Variants in AKAP13 observed in about 807,000 individuals in gnomAD.
AKAP13 encodes A-kinase anchoring protein 13, also known as A-kinase anchor protein 13.
AKAP13 carries 80 observed loss-of-function variants against 264.5 expected under a neutral mutation model. The ratio of observed to expected loss-of-function variants is 0.30; its 90% confidence interval spans 0.25 to 0.36. The LOEUF (loss-of-function observed/expected upper bound fraction) is 0.36. Among genes scored for constraint, AKAP13 ranks in the 10% least tolerant of loss-of-function variants. AKAP13 has a pLI of 1.00. For synonymous variants in AKAP13, 1,380 were observed against 1,250.2 expected (o/e 1.10, Z -2.19); for missense variants, 3,712 against 3,435.2 (o/e 1.08, Z -2.01).
chr15:85,441,684 T>C (rs2150956230), intron 1 of AKAP13, among the ~76,000 whole-genome samples: 1 of 152,334 alleles, frequency 6.6e-6, no homozygotes, highest in Non-Finnish European at 1.5e-5. Context: ...TTTTTGTGTA[T>C]GGTGTAAGCT....
intron 1 of AKAP13, among the ~76,000 whole-genome samples, chr15:85,393,811 C>T (rs2070983077): frequency 6.6e-6 from 1 of 152,122 alleles, no homozygotes; most frequent in Non-Finnish European, 1.5e-5. Flanking sequence ...CCATAAGTCA[C>T]ATTTTTTTCA....
chr15:85,460,256 G>T (rs1385393576), intron 1 of AKAP13, among the ~76,000 whole-genome samples: 1 of 152,046 alleles, frequency 6.6e-6, no homozygotes, highest in Non-Finnish European at 1.5e-5. Flanking sequence ...CAAACTTCTA[G>T]CAGTTTTCTG....
Position 85,724,880 on chromosome 15 carries a change from C to T in AKAP13, c.6746-1530C>T, listed in dbSNP as rs1255374964. On this transcript the variant is annotated intron_variant, in intron 26 of 36. Coordinates refer to ENST00000394518, the MANE Select transcript of AKAP13 (RefSeq NM_007200.5). This position sits in a 1 kb window ranked among gnomAD's most constrained non-coding sequence, Gnocchi z 4.2. The stretch of plus-strand genomic sequence containing the variant: ...CAGAGAAAGAAATCTCCTTTCCCAC[C>T]ACCAGCTGGCTGTGTATTTCATGGT... Among the ~76,000 whole-genome samples, 1 of 152,046 alleles carries T rather than the reference C, an allele frequency of 6.6e-6. No individual in the cohort carries two copies. The highest frequency in any genetic ancestry group is 1.5e-5 in the Non-Finnish European group (1 of 68,014).
chr15:85,743,702 C>T lies in AKAP13; in HGVS notation c.8269C>T (p.Pro2757Ser), dbSNP rs151131218. The part of the protein sequence containing the change: ...LSSTSQTNKG[P>S]EGQSQAPAST... ...TTCAACCAGCCAGACAAACAAAGGA[C>T]CAGAAGGGCAGAGCCAGGCCCCTGC... The change falls in exon 36 of 37, where the codon CCA becomes TCA. Residue 2757 changes from proline to serine, a missense_variant. Pro to Ser is a moderately conservative substitution (Grantham distance 74, BLOSUM62 -1). Around this residue, in one of 3 missense-constraint regions of AKAP13, gnomAD observed 611 missense variants for 539.3 expected, o/e 1.13. Transcript: ENST00000394518. 1 of 1,614,138 alleles carries T rather than the reference C, an allele frequency of 6.2e-7. No individual in the cohort carries two copies. Among genetic ancestry groups the T allele is most frequent in the Non-Finnish European group, 8.5e-7 (1 of 1,180,036 alleles).
intron 1 of AKAP13, among the ~76,000 whole-genome samples, chr15:85,445,633 TTATAG>T (rs555672741): frequency 2.5e-4 from 38 of 152,290 alleles, no homozygotes; most frequent in Admixed American, 5.2e-4. Flanking sequence ...CTTACCTTTA[TTATAG>T]TACTTACTTA....
intron 8 of AKAP13, among the ~76,000 whole-genome samples, chr15:85,589,095 G>A (rs1567142873): frequency 6.6e-6 from 1 of 152,104 alleles, no homozygotes; most frequent in South Asian, 2.1e-4. Flanking sequence ...CTTCTCCGTG[G>A]TGCTCTGACA....
chr15:85,571,488 C>T (rs2078817840), intron 5 of AKAP13, among the ~76,000 whole-genome samples: 3 of 152,016 alleles, frequency 2.0e-5, no homozygotes, highest in African/African-American at 2.4e-5. Context: ...TAGAGTTTTG[C>T]GAGATTTTAC....
intron 12 of AKAP13, among the ~76,000 whole-genome samples, chr15:85,663,478 AAAAT>A (rs927600547): frequency 9.2e-5 from 14 of 152,312 alleles, no homozygotes; most frequent in African/African-American, 3.1e-4. Context: ...TTACAAAACC[AAAAT>A]AAATAAATAA....
At chr15:85,477,225 A>T (rs193120854) in intron 1 of AKAP13, among the ~76,000 whole-genome samples, 1 of 151,870 alleles carries the variant, frequency 6.6e-6, no homozygotes, top group African/African-American at 2.4e-5. Flanking sequence ...AGGTTGAGTC[A>T]GAGGTGCGAG....
chr15:85,632,650 G>A (rs982620130), intron 8 of AKAP13, among the ~76,000 whole-genome samples: 5 of 152,102 alleles, frequency 3.3e-5, no homozygotes, highest in African/African-American at 1.2e-4. Flanking sequence ...TTTACTTAAA[G>A]ATATGTAACT....
intron 5 of AKAP13, among the ~76,000 whole-genome samples, chr15:85,553,020 G>A (rs1394870354): frequency 1.3e-5 from 2 of 149,568 alleles, no homozygotes; most frequent in Non-Finnish European, 3.0e-5. Context: ...AATGTTTAGT[G>A]TTCTGAACAC....
chr15:85,717,496 T>G, intron 21 of AKAP13, 94 bp downstream of exon 21: 1 of 836,426 alleles, frequency 1.2e-6, no homozygotes, highest in Non-Finnish European at 1.9e-6. Context: ...TGACAGTACC[T>G]GCCTCTTCTG....
intron 1 of AKAP13, among the ~76,000 whole-genome samples, chr15:85,391,730 C>T (rs576177214): frequency 3.7e-4 from 56 of 151,968 alleles, no homozygotes; most frequent in Non-Finnish European, 6.8e-4. Context: ...AGCGATCCAC[C>T]CACCTTGGCC....
In AKAP13 at chr15:85,735,052, G is replaced by A. The variant is rs1439741495; in HGVS notation, c.7343G>A (p.Ser2448Asn). The A allele has an allele frequency of 6.2e-7, 1 of 1,614,120 alleles. No individual in the cohort carries two copies. Among genetic ancestry groups the A allele is most frequent in the African/African-American group, 1.3e-5 (1 of 74,934 alleles). ...GGAGGCACACTTGGGCCGACTGTCA[G>A]CAGCCCCATTGAGCAAGATGTGGTC... ...NLGGTLGPTV[S>N]SPIEQDVVGP... Residue 2448 changes from serine (S) to asparagine (N), a missense_variant, in exon 31 of 37, where the codon AGC becomes AAC. Transcript: ENST00000394518.
chr15:85,671,433 C>CAA (rs11296113), intron 14 of AKAP13, among the ~76,000 whole-genome samples: 277 of 70,334 alleles, frequency 3.9e-3, no homozygotes, highest in Non-Finnish European at 5.9e-3. Context: ...GACACTGCCT[C>CAA]AAAAAAAAAA....
intron 5 of AKAP13, among the ~76,000 whole-genome samples, chr15:85,564,600 A>G (rs1413230887): frequency 6.6e-6 from 1 of 152,136 alleles, no homozygotes; most frequent in African/African-American, 2.4e-5. Flanking sequence ...TGGATCACAC[A>G]CTGGATTTAG....
At chr15:85,621,272 G>A (rs1410459298) in intron 8 of AKAP13, 1 of 152,202 alleles carries the variant, frequency 6.6e-6, no homozygotes, top group East Asian at 1.9e-4. Flanking sequence ...TGTGATTTGT[G>A]GTAGAGTGTT....
intron 35 of AKAP13, among the ~76,000 whole-genome samples, chr15:85,741,697 TAAAAA>T (rs56782497): frequency 0.18 from 19,674 of 106,412 alleles, 2,043 homozygotes; most frequent in Non-Finnish European, 0.24. Context: ...CTGTCTCTCC[TAAAAA>T]AAAAAAAAAA....
intron 17 of AKAP13, 117 bp from the exon 18 acceptor site, chr15:85,707,902 C>T: frequency 1.1e-6 from 1 of 945,434 alleles, no homozygotes; most frequent in African/African-American, 1.6e-5. Context: ...CAGTCACATT[C>T]TCACATGTGA....
Sources: gnomAD v4.1 joint callset for allele counts (sites outside exome capture counted in the v4.1 genomes callset) on GRCh38, gnomAD v4.1.1 for gene constraint, gnomAD v4.1.1 regional missense constraint, Gnocchi (gnomAD v3.1) non-coding constraint, MANE v1.5 for transcripts, NCBI Gene and HGNC (gene_info 2026-07-23, HGNC 2026-07-21) for gene names.